The following RPL19 variants were observed in gnomAD, a reference collection of about 807,000 sequenced individuals.
RPL19 encodes large ribosomal subunit protein eL19.
Under a neutral mutation model 25.1 loss-of-function variants are expected in RPL19, and 2 were observed. That is an observed-to-expected ratio of 0.08 (90% CI 0.03 to 0.25). RPL19 has a LOEUF of 0.25. RPL19 is among the 10% of genes least tolerant of loss of function. RPL19 has a pLI of 1.00. For synonymous variants in RPL19, 89 were observed against 91.2 expected (o/e 0.98, Z 0.14); for missense variants, 123 against 271.8 (o/e 0.45, Z 3.85).
intron 2 of RPL19, 22 bp from the exon 3 acceptor site, chr17:39,202,295 C>T: frequency 1.2e-6 from 2 of 1,612,626 alleles, no homozygotes; most frequent in African/African-American, 2.7e-5. Flanking sequence ...GTTGACTGAC[C>T]AGGTGCATTA....
chr17:39,201,158 T>G, intron 1 of RPL19, 55 bp from the exon 2 acceptor site: 4 of 1,206,588 alleles, frequency 3.3e-6, no homozygotes, highest in Non-Finnish European at 4.9e-6. Flanking sequence ...ATGGGGACGT[T>G]CATTCTTGCC....
chr17:39,201,151 G>T, intron 1 of RPL19, 62 bp from the exon 2 acceptor site: 1 of 1,087,742 alleles, frequency 9.2e-7, no homozygotes, highest in South Asian at 1.3e-5. Flanking sequence ...GGTCTTGATG[G>T]GGACGTTCAT....
Position 39,202,926 on chromosome 17 carries a change from C to T in RPL19, c.236-63C>T, listed in dbSNP as rs536138270. 11 of 1,583,810 alleles carry T rather than the reference C, an allele frequency of 6.9e-6. No homozygotes were observed. In the East Asian group the frequency reaches 2.2e-4, roughly 32 times the overall value. ...GGACCCTGACTTGAAACTATATTCACTTGGTGTACTTATACACAGTGGGCC... is the reference window on the plus strand; with the variant it reads ...GGACCCTGACTTGAAACTATATTCATTTGGTGTACTTATACACAGTGGGCC... On this transcript the variant is annotated intron_variant, in intron 3 of 5. Transcript: ENST00000225430.
intron 1 of RPL19, chr17:39,200,608 G>C: frequency 8.1e-7 from 1 of 1,239,912 alleles, no homozygotes; most frequent in Non-Finnish European, 1.0e-6. Context: ...ACCCACGCGA[G>C]CAGAGCAAAC....
Position 39,204,061 on chromosome 17 carries a change from T to G in RPL19, c.357-16T>G. 6.8e-7 allele frequency: 1 copy of G among 1,467,878 alleles called. No homozygotes were observed. The highest frequency in any genetic ancestry group is 1.7e-4 in the Middle Eastern group (1 of 5,758). The allele number at this position is 1,467,878 out of a possible 1,614,324, so 90.9% of individuals were successfully genotyped here. ...CCATCACCAACCAGCATCTCTTCACTCCGTGTACCCTGCAGGTATCACAGC... is the reference window on the plus strand; with the variant it reads ...CCATCACCAACCAGCATCTCTTCACGCCGTGTACCCTGCAGGTATCACAGC... On this transcript the variant is annotated splice_polypyrimidine_tract_variant and intron_variant, in intron 4 of 5. Transcript: ENST00000225430.
chr17:39,204,478 A>G, intron 5 of RPL19, 47 bp from the exon 6 acceptor site: 2 of 1,610,064 alleles, frequency 1.2e-6, no homozygotes, highest in Non-Finnish European at 1.7e-6. Flanking sequence ...TCTCCCTAGC[A>G]TCTCATCTCT....
chr17:39,204,377 GGTTA>G lies in RPL19; in HGVS notation c.468-144_468-141del, dbSNP rs2046310405. 6 of 1,006,820 alleles carry G rather than the reference GGTTA, an allele frequency of 6.0e-6. No individual in the cohort carries two copies. The East Asian group carries it at 1.4e-4, about 24-fold the overall frequency. 62.4% of individuals were successfully genotyped at this position (1,006,820 alleles called of 1,614,324 possible). On this transcript the variant is annotated intron_variant, in intron 5 of 5. Transcript: ENST00000225430. ...CTCTTCCTGTCTCGTAGGGACTAGAGGTTAGTTGAAGCAGGAGCCTTTGGTGGGC... is the reference window on the plus strand; with the variant it reads ...CTCTTCCTGTCTCGTAGGGACTAGAGGTTGAAGCAGGAGCCTTTGGTGGGC...
intron 4 of RPL19, among the ~76,000 whole-genome samples, chr17:39,203,629 G>A (rs1250923096): frequency 6.6e-6 from 1 of 151,552 alleles, no homozygotes; most frequent in African/African-American, 2.4e-5. Flanking sequence ...CTGCCTCACC[G>A]TCTCAAGTAC....
chr17:39,204,702 T>G lies in RPL19; in HGVS notation c.*54T>G, dbSNP rs890578497. 2.5e-6 allele frequency: 4 copies of G among 1,570,202 alleles called. No homozygotes were observed. The African/African-American group carries it at 5.5e-5, about 21-fold the overall frequency. ...CCTCTGTGATTACATAGATCAGCCA[T>G]TAAAATAAAACAAGCCTTAATCTGC... On this transcript the variant is annotated 3_prime_UTR_variant, in exon 6 of 6. Transcript: ENST00000225430.
At chr17:39,203,721 G>T (rs2046305983) in intron 4 of RPL19, among the ~76,000 whole-genome samples, 1 of 151,198 alleles carries the variant, frequency 6.6e-6, no homozygotes, top group Non-Finnish European at 1.5e-5. Context: ...TGGCCAGGCT[G>T]GTCTCGAACT....
In RPL19 at chr17:39,204,569, A is replaced by G. The variant is rs2046311541; in HGVS notation, c.512A>G (p.Lys171Arg). Residue 171 changes from lysine to arginine, a missense_variant, in exon 6 of 6, where the codon AAG (lysine) becomes AGG (arginine). Physicochemically the swap from Lys to Arg is conservative, Grantham distance 26. Transcript: ENST00000225430. ...ARRSKTKEARKRREERLQAKK... is the reference protein window; with the variant it reads ...ARRSKTKEARRRREERLQAKK... ...AGGTCTAAGACCAAGGAAGCACGCA[A>G]GCGCCGTGAAGAGCGCCTCCAGGCC... The G allele has an allele frequency of 3.7e-6, 6 of 1,614,214 alleles. No homozygotes were observed. Among genetic ancestry groups the G allele is most frequent in the South Asian group, 2.2e-5 (2 of 91,088 alleles).
At chr17:39,204,398 T>G in intron 5 of RPL19, 127 bp from the exon 6 acceptor site, 1 of 1,207,480 alleles carries the variant, frequency 8.3e-7, no homozygotes, top group Non-Finnish European at 1.2e-6. Context: ...GCAGGAGCCT[T>G]TGGTGGGCCC....
intron 5 of RPL19, 63 bp downstream of exon 5, chr17:39,204,250 CT>C (rs1284832266): frequency 6.4e-6 from 7 of 1,097,612 alleles, no homozygotes; most frequent in Non-Finnish European, 9.8e-6. Flanking sequence ...TTCTTAGATA[CT>C]TAAAATGTGC....
At chr17:39,203,136 C>G (rs2046302103) in intron 4 of RPL19, 27 bp downstream of exon 4, 1 of 1,571,504 alleles carries the variant, frequency 6.4e-7, no homozygotes, top group African/African-American at 1.4e-5. Flanking sequence ...GGGCCCAGTA[C>G]CCATTTGCTG....
chr17:39,200,388 T>A, intron 1 of RPL19, 39 bp downstream of exon 1: 4 of 1,538,252 alleles, frequency 2.6e-6, no homozygotes, highest in Non-Finnish European at 3.5e-6. Context: ...CTGACGCGTG[T>A]CGACAAGGGA....
At chr17:39,202,535 G>A in intron 3 of RPL19, 96 bp downstream of exon 3, 1 of 1,441,292 alleles carries the variant, frequency 6.9e-7, no homozygotes, top group Non-Finnish European at 9.7e-7. Flanking sequence ...TCTTGAGCCT[G>A]TTTCTTACTC....
At chr17:39,201,101 G>A in intron 1 of RPL19, 112 bp from the exon 2 acceptor site, 2 of 737,428 alleles carry the variant, frequency 2.7e-6, no homozygotes, top group Non-Finnish European at 4.7e-6. Flanking sequence ...ATTTAGGGAA[G>A]AGTCTTATTT....
At chr17:39,204,420 C>T (rs1422801910) in intron 5 of RPL19, 105 bp from the exon 6 acceptor site, 6 of 1,416,886 alleles carry the variant, frequency 4.2e-6, no homozygotes, top group Middle Eastern at 1.8e-4. Flanking sequence ...GCAACTCATT[C>T]CAGAAGCTGA....
At chr17:39,200,682 C>G in intron 1 of RPL19, 1 of 1,115,014 alleles carries the variant, frequency 9.0e-7, no homozygotes, top group Non-Finnish European at 1.1e-6. Flanking sequence ...GAGCCGATCT[C>G]TGCTTTCACG....
Sources: gnomAD v4.1 joint callset for allele counts (sites outside exome capture counted in the v4.1 genomes callset) on GRCh38, gnomAD v4.1.1 for gene constraint, MANE v1.5 for transcripts, NCBI Gene and HGNC (gene_info 2026-07-23, HGNC 2026-07-21) for gene names.